ZNF442: variants seen among roughly 807,000 people sequenced by gnomAD.
ZNF442 encodes the protein zinc finger protein 442.
Under a neutral mutation model 57.0 loss-of-function variants are expected in ZNF442, and 45 were observed. That is an observed-to-expected ratio of 0.79 (90% CI 0.62 to 1.01). ZNF442 has a LOEUF of 1.01. Ranked by LOEUF, ZNF442 falls within the 50% of genes least tolerant of loss-of-function variation. The pLI is 0.00. For synonymous variants in ZNF442, 213 were observed against 241.8 expected (o/e 0.88, Z 1.10); for missense variants, 690 against 756.5 (o/e 0.91, Z 1.03).
intron 3 of ZNF442, among the ~76,000 whole-genome samples, chr19:12,362,150 G>C (rs1159952574): frequency 3.3e-5 from 5 of 152,214 alleles, no homozygotes; most frequent in African/African-American, 1.2e-4. Flanking sequence ...ACCCCATCTG[G>C]GAAGCGAGGA....
chr19:12,367,019 G>A (rs984303366), upstream of ZNF442, among the ~76,000 whole-genome samples: 1 of 152,192 alleles, frequency 6.6e-6, no homozygotes, highest in Non-Finnish European at 1.5e-5. Context: ...AGCTTCAGGG[G>A]TTGGATCTTG....
At chr19:12,367,241 T>G (rs1215582687), upstream of ZNF442, among the ~76,000 whole-genome samples, 1 of 152,098 alleles carries the variant, frequency 6.6e-6, no homozygotes, top group Non-Finnish European at 1.5e-5. Context: ...AGGGGTGACA[T>G]CACATATCGG....
rs766364380 is a variant in ZNF442, at chr19:12,350,806, G to T, written c.779C>A (p.Thr260Asn). 3.7e-6 allele frequency: 6 copies of T among 1,613,912 alleles called. No individual in the cohort carries two copies. In the South Asian group the frequency reaches 6.6e-5, roughly 18 times the overall value. The change falls in exon 6 of 6, where the codon ACT becomes AAT. Residue 260 changes from threonine to asparagine, a missense_variant. Physicochemically the swap from Thr to Asn is moderately conservative, Grantham distance 65 (BLOSUM62 0). Transcript: ENST00000242804. ...CTTGCATTCATATGGTTTCTCCCCA[G>T]TGTGTGTTCTTTCATGTCTTAGATA... is the stretch of plus-strand genomic sequence containing the variant. ...SSYLRHERTH[T>N]GEKPYECKHC...
At chr19:12,357,124 G>A (rs947570738) in intron 3 of ZNF442, among the ~76,000 whole-genome samples, 3 of 152,084 alleles carry the variant, frequency 2.0e-5, no homozygotes, top group African/African-American at 7.2e-5. Context: ...CCTTTTCATC[G>A]TATTTTCTCC....
intron 3 of ZNF442, among the ~76,000 whole-genome samples, chr19:12,357,349 CTTTTTTTTTT>C (rs5827145): frequency 1.0e-5 from 1 of 95,368 alleles, no homozygotes; most frequent in Non-Finnish European, 2.0e-5. Context: ...CTTTTTCTTT[CTTTTTTTTTT>C]TTTTTTTTTT....
rs1027133870 is a variant in ZNF442 at position 12,348,340 on chromosome 19, T to A, written c.*1361A>T. 2.0e-5 allele frequency: 3 copies of A among 151,838 alleles called. No individual in the cohort carries two copies. Among genetic ancestry groups the A allele is most frequent in the Non-Finnish European group, 4.4e-5 (3 of 67,976 alleles). 9.4% of individuals were successfully genotyped at this position (151,838 alleles called of 1,614,324 possible). ...ACTGGGCAATAAGAACGAAACTCAG[T>A]CTCAAATGATAAATAAATAAATAAA... On this transcript the variant is annotated 3_prime_UTR_variant, in exon 6 of 6. Coordinates refer to ENST00000242804, the MANE Select transcript of ZNF442 (RefSeq NM_030824.3).
chr19:12,371,342 C>A, the ZNF442 span, among the ~76,000 whole-genome samples: 2 of 152,064 alleles, frequency 1.3e-5, no homozygotes, highest in Non-Finnish European at 2.9e-5. Flanking sequence ...CAAGACTGTT[C>A]TCTCTCTGAA....
chr19:12,362,416 C>T (rs1038556863), intron 3 of ZNF442, among the ~76,000 whole-genome samples: 9 of 152,068 alleles, frequency 5.9e-5, no homozygotes, highest in African/African-American at 2.2e-4. Flanking sequence ...ACCGCCACCC[C>T]GTCTGGGAGG....
intron 2 of ZNF442, among the ~76,000 whole-genome samples, chr19:12,364,053 C>T (rs557169192): frequency 6.6e-6 from 1 of 152,218 alleles, no homozygotes; most frequent in South Asian, 2.1e-4. Context: ...TTGTTTTTTA[C>T]AGTGCAGTGT....
chr19:12,347,936 G>A lies in ZNF442; in HGVS notation c.*1765C>T, dbSNP rs1400716908. On this transcript the variant is annotated 3_prime_UTR_variant, in exon 6 of 6. Coordinates refer to ENST00000242804, the MANE Select transcript of ZNF442 (RefSeq NM_030824.3). ...TATACTGAAATTCTCTGCAGATAAT[G>A]ATGATAATGATGATGCAGAAGACTT... is the stretch of plus-strand genomic sequence containing the variant. 6.6e-6 allele frequency: 1 copy of A among 152,186 alleles called. No homozygotes were observed. Among genetic ancestry groups the A allele is most frequent in the Admixed American group, 6.5e-5 (1 of 15,278 alleles). 9.4% of individuals were successfully genotyped at this position (152,186 alleles called of 1,614,324 possible).
chr19:12,362,769 T>G (rs147976097), intron 3 of ZNF442, among the ~76,000 whole-genome samples: 6,896 of 150,334 alleles, frequency 0.046, 517 homozygotes, highest in African/African-American at 0.16. Context: ...CGAGTGGAAG[T>G]GGGGGAAGTG....
At chr19:12,352,936 C>CAAAAAAA in intron 4 of ZNF442, 52 bp downstream of exon 4, 1 of 1,578,892 alleles carries the variant, frequency 6.3e-7, no homozygotes. Flanking sequence ...CATTGATGAC[C>CAAAAAAA]AAGAAAAAAA....
chr19:12,353,744 A>T (rs1416489147), intron 3 of ZNF442, among the ~76,000 whole-genome samples: 1 of 152,226 alleles, frequency 6.6e-6, no homozygotes, highest in Non-Finnish European at 1.5e-5. Context: ...CCAATGTGAC[A>T]GTAATGAAAG....
In ZNF442 at chr19:12,365,225, C is replaced by A; in HGVS notation, c.-464G>T. On this transcript the variant is annotated 5_prime_UTR_variant, in exon 2 of 6. Coordinates refer to ENST00000242804, the MANE Select transcript of ZNF442 (RefSeq NM_030824.3). ...CAGTGACTCGGACCGCGAACCTGTG[C>A]CGGTTACAGCCGCACAATCTGGGAA... The A allele has an allele frequency of 5.9e-6, 1 of 168,276 alleles. No homozygotes were observed. The highest frequency in any genetic ancestry group is 1.3e-5 in the Non-Finnish European group (1 of 78,156). 10.4% of individuals were successfully genotyped at this position (168,276 alleles called of 1,614,324 possible). A position where few individuals can be genotyped will look rare whatever the true frequency, so the allele number is the denominator to read the frequency against.
intron 2 of ZNF442, among the ~76,000 whole-genome samples, chr19:12,364,124 C>T (rs1258381579): frequency 1.3e-5 from 2 of 151,912 alleles, no homozygotes; most frequent in Non-Finnish European, 2.9e-5. Flanking sequence ...TTTAAGAAGC[C>T]GGCCGGGCGC....
chr19:12,346,458 T>C lies in ZNF442; in HGVS notation c.*3243A>G, dbSNP rs1389479394. 1 of 152,208 alleles carries C rather than the reference T, an allele frequency of 6.6e-6. No homozygotes were observed. Among genetic ancestry groups the C allele is most frequent in the Admixed American group, 6.5e-5 (1 of 15,290 alleles). The allele number at this position is 152,208 out of a possible 1,614,324, so 9.4% of individuals were successfully genotyped here. On this transcript the variant is annotated 3_prime_UTR_variant, in exon 6 of 6. Coordinates refer to ENST00000242804, the MANE Select transcript of ZNF442 (RefSeq NM_030824.3). ...ACGACAACCAGTATATGTGACAATGTGGAAAATAGAAACCCTTATGCATTG... is the reference window on the plus strand; with the variant it reads ...ACGACAACCAGTATATGTGACAATGCGGAAAATAGAAACCCTTATGCATTG...
Position 12,350,652 on chromosome 19 carries a change from A to G in ZNF442, c.933T>C (p.His311=), listed in dbSNP as rs1229942153. The G allele has an allele frequency of 1.2e-6, 2 of 1,614,028 alleles. No homozygotes were observed. Among genetic ancestry groups the G allele is most frequent in the Middle Eastern group, 1.7e-4 (1 of 6,060 alleles). ...AFSVSSSLRI[H]ERTHTGEKPY... is the part of the protein sequence containing the mutation. ...GTTTCTCTCCAGTGTGAGTTCTTTC[A>G]TGTATTCGAAGGGAACTGGAAACAC... Residue 311 remains histidine (H), a synonymous_variant, in exon 6 of 6, where the codon CAT becomes CAC. Transcript: ENST00000242804.
At chr19:12,368,776 A>C (rs1969558156), upstream of ZNF442, among the ~76,000 whole-genome samples, 1 of 152,020 alleles carries the variant, frequency 6.6e-6, no homozygotes, top group African/African-American at 2.4e-5. Flanking sequence ...CTCTTATCAC[A>C]ACTCATTATT....
intron 3 of ZNF442, among the ~76,000 whole-genome samples, chr19:12,357,349 CTTTT>C (rs5827145): frequency 1.0e-5 from 1 of 95,368 alleles, no homozygotes; most frequent in Admixed American, 1.3e-4. Context: ...CTTTTTCTTT[CTTTT>C]TTTTTTTTTT....
Sources: allele counts gnomAD v4.1 joint callset (sites outside exome capture counted in the v4.1 genomes callset), GRCh38; gene constraint gnomAD v4.1.1; transcripts MANE v1.5; gene names NCBI Gene and HGNC (gene_info 2026-07-23, HGNC 2026-07-21).